GLT1D1: variants seen among roughly 807,000 people sequenced by gnomAD.
GLT1D1 encodes glycosyltransferase 1 domain-containing protein 1.
In GLT1D1, 21 loss-of-function variants were observed where a neutral mutation model predicts 28.7. The observed-to-expected ratio is 0.73, with a 90% confidence interval of 0.52 to 1.05. The LOEUF (loss-of-function observed/expected upper bound fraction) is 1.05. GLT1D1 is among the 50% of genes least tolerant of loss of function. The probability of loss-of-function intolerance (pLI) is 0.00; values close to 1 mark genes in which losing one functional copy is unlikely to be tolerated. For missense variants in GLT1D1, 343 were observed against 330.6 expected, an observed-to-expected ratio of 1.04 and a Z score of -0.29; for synonymous variants, 147 against 124.8, an observed-to-expected ratio of 1.18 and a Z score of -1.19.
intron 4 of GLT1D1, among the ~76,000 whole-genome samples, chr12:128,942,243 G>A (rs1875374661): frequency 6.6e-6 from 1 of 152,082 alleles, no homozygotes; most frequent in African/African-American, 2.4e-5. Flanking sequence ...ATTTTATTCT[G>A]ATAAAGACTA....
At chr12:128,944,668 GT>G (rs1433527931) in intron 4 of GLT1D1, 21 of 722,182 alleles carry the variant, frequency 2.9e-5, no homozygotes, top group African/African-American at 2.3e-4. Context: ...CTGTGGAAGT[GT>G]CCTTGGAAAA....
intron 7 of GLT1D1, among the ~76,000 whole-genome samples, chr12:128,963,429 T>TTGAG (rs1878158011): frequency 6.6e-6 from 1 of 151,958 alleles, no homozygotes; most frequent in African/African-American, 2.4e-5. Flanking sequence ...GGTGAATCAC[T>TTGAG]TGAGGTCAGG....
At chr12:128,898,872 C>A (rs1869930912) in intron 3 of GLT1D1, among the ~76,000 whole-genome samples, 1 of 152,220 alleles carries the variant, frequency 6.6e-6, no homozygotes, top group Admixed American at 6.5e-5. Context: ...CTTGGCAGAG[C>A]TAGTGGAGTG....
At chr12:128,908,022 T>C (rs1461349768) in intron 4 of GLT1D1, among the ~76,000 whole-genome samples, 1 of 152,244 alleles carries the variant, frequency 6.6e-6, no homozygotes, top group Non-Finnish European at 1.5e-5. Flanking sequence ...CCCCAGTAGA[T>C]GGGGTGCCAC....
intron 1 of GLT1D1, among the ~76,000 whole-genome samples, chr12:128,874,827 T>C (rs1956833454): frequency 1.3e-5 from 2 of 152,180 alleles, no homozygotes; most frequent in Admixed American, 6.5e-5. Flanking sequence ...TTTTTCTTTA[T>C]TGATTTACGA....
intron 7 of GLT1D1, among the ~76,000 whole-genome samples, chr12:128,959,491 A>AGGGGGGGGGGGGGG (rs1877714371): frequency 1.8e-4 from 1 of 5,576 alleles, no homozygotes; most frequent in Non-Finnish European, 3.8e-4. Context: ...GGGGGCTGGC[A>AGGGGGGGGGGGGGG]GGGGGTGGGG....
chr12:128,972,035 C>G (rs1007286867), intron 7 of GLT1D1, among the ~76,000 whole-genome samples: 1 of 151,806 alleles, frequency 6.6e-6, no homozygotes, highest in African/African-American at 2.4e-5. Flanking sequence ...TCAAGGCTCC[C>G]TCTCCAGGGT....
chr12:128,980,975 C>T (rs1423897346), intron 7 of GLT1D1, among the ~76,000 whole-genome samples: 1 of 152,232 alleles, frequency 6.6e-6, no homozygotes, highest in Non-Finnish European at 1.5e-5. Context: ...ACATGGATTT[C>T]TCACGTCTAC....
chr12:128,905,983 C>T (rs1318846402), intron 4 of GLT1D1, among the ~76,000 whole-genome samples: 1 of 150,896 alleles, frequency 6.6e-6, no homozygotes, highest in Non-Finnish European at 1.5e-5. Flanking sequence ...CAGGCCCATG[C>T]CACCACACCT....
At chr12:128,866,124 A>G (rs1473198676) in intron 1 of GLT1D1, among the ~76,000 whole-genome samples, 2 of 145,272 alleles carry the variant, frequency 1.4e-5, no homozygotes, top group African/African-American at 5.1e-5. Context: ...GCTGGAGTGC[A>G]GTGGCATGAT....
chr12:128,888,467 A>G (rs1868647126), intron 2 of GLT1D1, among the ~76,000 whole-genome samples, 172 bp from the exon 3 acceptor site: 1 of 152,192 alleles, frequency 6.6e-6, no homozygotes, highest in Non-Finnish European at 1.5e-5. Context: ...TGTTGTGTTT[A>G]TTGTAGTGAT....
intron 7 of GLT1D1, among the ~76,000 whole-genome samples, chr12:128,959,201 A>G (rs537452026): frequency 4.5e-4 from 69 of 151,880 alleles, no homozygotes; most frequent in African/African-American, 1.5e-3. Flanking sequence ...CACATATGAT[A>G]TTCCAAAATC....
chr12:128,971,309 C>CTTCG (rs1593207396), intron 7 of GLT1D1, among the ~76,000 whole-genome samples: 1 of 148,552 alleles, frequency 6.7e-6, no homozygotes, highest in East Asian at 2.0e-4. Flanking sequence ...TCCCTCCTTC[C>CTTCG]TTCCTTCATC....
chr12:128,857,260 C>A (rs1454391387), intron 1 of GLT1D1, among the ~76,000 whole-genome samples: 1 of 151,852 alleles, frequency 6.6e-6, no homozygotes, highest in Admixed American at 6.5e-5. Context: ...GCCTGTCTTG[C>A]TAGGCCTTGG....
intron 3 of GLT1D1, among the ~76,000 whole-genome samples, chr12:128,895,397 G>T (rs1869510280): frequency 6.6e-6 from 1 of 151,986 alleles, no homozygotes; most frequent in South Asian, 2.1e-4. Flanking sequence ...GTATGAAGTA[G>T]GTAGAAGTCT....
chr12:128,942,744 T>TTC (rs1875467984), intron 4 of GLT1D1, among the ~76,000 whole-genome samples: 1 of 62,852 alleles, frequency 1.6e-5, no homozygotes, highest in Non-Finnish European at 3.0e-5. Context: ...TGTTTGTTTG[T>TTC]TTTTGTTTTT....
At chr12:128,893,370 G>A (rs929627714) in intron 3 of GLT1D1, among the ~76,000 whole-genome samples, 1 of 152,096 alleles carries the variant, frequency 6.6e-6, no homozygotes, top group Non-Finnish European at 1.5e-5. Context: ...TAGGTTAAAC[G>A]AGGTGAATTT....
chr12:128,916,181 T>C lies in GLT1D1; in HGVS notation c.375+16894T>C, dbSNP rs561529841. Among the ~76,000 whole-genome samples the C allele has an allele frequency of 2.6e-5, 4 of 152,352 alleles. No individual in the cohort carries two copies. In the East Asian group the frequency reaches 5.8e-4, roughly 22 times the overall value. ...ATGTGTTTGAGATTTATCCCTATTG[T>C]GTGTATCTGTAGACCTTTTTTCTTA... On this transcript the variant is annotated intron_variant, in intron 4 of 7. Transcript: ENST00000281703.
At chr12:128,945,123 A>C (rs1278161437) in intron 4 of GLT1D1, 2 of 727,902 alleles carry the variant, frequency 2.7e-6, no homozygotes. Flanking sequence ...CGAAGTATTG[A>C]GTGATACGCG....
Sources: gnomAD v4.1 joint callset for allele counts (sites outside exome capture counted in the v4.1 genomes callset) on GRCh38, gnomAD v4.1.1 for gene constraint, MANE v1.5 for transcripts, NCBI Gene and HGNC (gene_info 2026-07-23, HGNC 2026-07-21) for gene names.